Variants in NFAM1 observed in about 807,000 individuals in gnomAD.
The protein encoded by NFAM1 is NFAT activating protein with ITAM motif 1.
In NFAM1, 17 loss-of-function variants were observed where a neutral mutation model predicts 29.0. The ratio of observed to expected loss-of-function variants is 0.59; its 90% CI spans 0.40 to 0.88. NFAM1 has a LOEUF of 0.88. Among genes scored for constraint, NFAM1 ranks in the 40% least tolerant of loss-of-function variants. NFAM1 has a pLI of 0.00. For missense variants in NFAM1, 324 were observed against 344.6 expected (o/e 0.94, Z 0.47); for synonymous variants, 175 against 147.2 (o/e 1.19, Z -1.36).
intron 4 of NFAM1, 43 bp downstream of exon 4, chr22:42,397,815 A>C (rs766036765): frequency 3.7e-6 from 4 of 1,074,536 alleles, no homozygotes; most frequent in South Asian, 1.2e-5. Flanking sequence ...ACTCTGCCTA[A>C]GGCCTGAAAG....
chr22:42,433,651 C>T (rs183809714), upstream of NFAM1, among the ~76,000 whole-genome samples: 3 of 152,288 alleles, frequency 2.0e-5, no homozygotes, highest in South Asian at 2.1e-4. Flanking sequence ...ACCAATGCCA[C>T]GAGCACTGGG....
In NFAM1 at chr22:42,419,299, C is replaced by G. The variant is rs192641805; in HGVS notation, c.122-7563G>C. 1.3e-5 allele frequency among the ~76,000 whole-genome samples: 2 copies of G among 152,176 alleles called. No homozygotes were observed. Among genetic ancestry groups the G allele is most frequent in the Non-Finnish European group, 1.5e-5 (1 of 68,038 alleles). ...GTGGCTCTGAGTCCCCAGCGATCCACAAACTCATCCTGCTCCTGCCCTGCC... is the reference window on the plus strand; with the variant it reads ...GTGGCTCTGAGTCCCCAGCGATCCAGAAACTCATCCTGCTCCTGCCCTGCC... On this transcript the variant is annotated intron_variant, in intron 1 of 5. Coordinates refer to ENST00000329021, the MANE Select transcript of NFAM1 (RefSeq NM_145912.8). This position sits in a 1 kb window ranked among gnomAD's most constrained non-coding sequence, Gnocchi z 4.5.
chr22:42,395,172 T>C (rs1929476610), intron 4 of NFAM1, among the ~76,000 whole-genome samples: 1 of 135,366 alleles, frequency 7.4e-6, no homozygotes, highest in Non-Finnish European at 1.5e-5. Flanking sequence ...AGACCCTGTC[T>C]CAAAAAAAAA....
intron 1 of NFAM1, among the ~76,000 whole-genome samples, chr22:42,412,658 G>C (rs905159766): frequency 2.0e-5 from 3 of 152,224 alleles, no homozygotes; most frequent in African/African-American, 7.2e-5. Flanking sequence ...TTTCCTGGCG[G>C]TAGACAGAGA....
In NFAM1 at chr22:42,389,303, C is replaced by T. The variant is rs538559844; in HGVS notation, c.664-2225G>A. 6.6e-5 allele frequency among the ~76,000 whole-genome samples: 10 copies of T among 152,180 alleles called. No homozygotes were observed. In the South Asian group the frequency reaches 1.2e-3, roughly 19 times the overall value. ...TACAGTGGGGGAGTCGGGGAATAGG[C>T]GAGTGGGCGGTGGTGCAGTGGGCAG... On this transcript the variant is annotated intron_variant, in intron 4 of 5. Transcript: ENST00000329021.
chr22:42,402,593 C>A (rs145157080), intron 3 of NFAM1, among the ~76,000 whole-genome samples: 1 of 152,092 alleles, frequency 6.6e-6, no homozygotes, highest in African/African-American at 2.4e-5. Context: ...TACCAAGAGG[C>A]GGAGTGTGCT....
intron 5 of NFAM1, among the ~76,000 whole-genome samples, chr22:42,385,892 C>T (rs1312034625): frequency 6.6e-6 from 1 of 152,144 alleles, no homozygotes; most frequent in Non-Finnish European, 1.5e-5. Context: ...GCCAGGCGCC[C>T]GCACTCCCTG....
chr22:42,387,164 C>T (rs1929178245), intron 4 of NFAM1, 86 bp from the exon 5 acceptor site: 5 of 749,350 alleles, frequency 6.7e-6, no homozygotes, highest in African/African-American at 1.9e-5. Context: ...GCCTGTTACA[C>T]ACCCCACCGT....
chr22:42,427,918 AG>A (rs1930674935), intron 1 of NFAM1, among the ~76,000 whole-genome samples: 2 of 152,076 alleles, frequency 1.3e-5, no homozygotes. Flanking sequence ...CTGTGGGGCG[AG>A]GGGAGTAGAA....
intron 1 of NFAM1, among the ~76,000 whole-genome samples, chr22:42,415,369 A>G (rs1930226172): frequency 7.2e-6 from 1 of 138,674 alleles, no homozygotes; most frequent in Admixed American, 8.2e-5. Context: ...GCGCGATCTC[A>G]GCTCACTGCA....
chr22:42,396,085 C>A (rs1929516173), intron 4 of NFAM1, among the ~76,000 whole-genome samples: 1 of 152,064 alleles, frequency 6.6e-6, no homozygotes, highest in Non-Finnish European at 1.5e-5. Context: ...CCGCCCAGGC[C>A]CAATCCCAGT....
chr22:42,386,384 CAA>C (rs1267002287), intron 5 of NFAM1, among the ~76,000 whole-genome samples: 17 of 124,122 alleles, frequency 1.4e-4, no homozygotes, highest in Non-Finnish European at 2.3e-4. Flanking sequence ...AAAACAAAAA[CAA>C]AAACAAACAA....
chr22:42,394,056 A>G (rs1344079970), intron 4 of NFAM1, among the ~76,000 whole-genome samples: 1 of 151,944 alleles, frequency 6.6e-6, no homozygotes, highest in Non-Finnish European at 1.5e-5. Context: ...TATTTTTGAG[A>G]CGGAGTTTCG....
intron 3 of NFAM1, among the ~76,000 whole-genome samples, chr22:42,399,446 CAA>C (rs71311432): frequency 1.3e-4 from 9 of 66,900 alleles, no homozygotes; most frequent in Non-Finnish European, 1.9e-4. Context: ...GATCCCATCT[CAA>C]AAAAAAAAAA....
intron 4 of NFAM1, among the ~76,000 whole-genome samples, chr22:42,389,789 T>A (rs1436752702): frequency 6.6e-6 from 1 of 152,102 alleles, no homozygotes; most frequent in African/African-American, 2.4e-5. Context: ...CTGACCCCAG[T>A]GATCATCCAA....
rs1224167805 is a variant in NFAM1, at chr22:42,410,770, T to A, written c.451+637A>T. Among the ~76,000 whole-genome samples, 8 of 151,938 alleles carry A rather than the reference T, an allele frequency of 5.3e-5. No individual in the cohort carries two copies. In the East Asian group the frequency reaches 1.5e-3, roughly 29 times the overall value. On this transcript the variant is annotated intron_variant, in intron 2 of 5. Coordinates refer to ENST00000329021, the MANE Select transcript of NFAM1 (RefSeq NM_145912.8). Reference sequence around the variant, plus strand: ...CACGAGGCCCCCACAAATACATACATGCACATACCTAGTTCTGCAGAAGTT... The same window carrying A: ...CACGAGGCCCCCACAAATACATACAAGCACATACCTAGTTCTGCAGAAGTT...
At chr22:42,423,813 C>T (rs1445242735) in intron 1 of NFAM1, among the ~76,000 whole-genome samples, 2 of 151,950 alleles carry the variant, frequency 1.3e-5, no homozygotes, top group Non-Finnish European at 1.5e-5. Context: ...CTCTGCCTCC[C>T]AGGTTCAAGA....
In NFAM1 at chr22:42,380,715, A is replaced by C. The variant is rs907133764; in HGVS notation, c.*4446T>G. Reference sequence around the variant, plus strand: ...AGCTGTCTGCCAAGAAAACTATTGAACTACATAAAAATCCATCCCTGAAAT... The same window carrying C: ...AGCTGTCTGCCAAGAAAACTATTGACCTACATAAAAATCCATCCCTGAAAT... On this transcript the variant is annotated 3_prime_UTR_variant, in exon 6 of 6. Coordinates refer to ENST00000329021, the MANE Select transcript of NFAM1 (RefSeq NM_145912.8). The C allele has an allele frequency of 2.0e-5, 3 of 152,628 alleles. No homozygotes were observed. Among genetic ancestry groups the C allele is most frequent in the Non-Finnish European group, 4.4e-5 (3 of 68,038 alleles). 9.5% of individuals were successfully genotyped at this position (152,628 alleles called of 1,614,324 possible). A position where few individuals can be genotyped will look rare whatever the true frequency, so the allele number is the denominator to read the frequency against.
At chr22:42,394,313 C>T (rs1220867301) in intron 4 of NFAM1, among the ~76,000 whole-genome samples, 1 of 152,158 alleles carries the variant, frequency 6.6e-6, no homozygotes, top group African/African-American at 2.4e-5. Flanking sequence ...GCTGGGATTA[C>T]AGGGGTAAGC....
Sources: allele counts gnomAD v4.1 joint callset (sites outside exome capture counted in the v4.1 genomes callset), GRCh38; gene constraint gnomAD v4.1.1; non-coding constraint Gnocchi (gnomAD v3.1); transcripts MANE v1.5; gene names NCBI Gene and HGNC (gene_info 2026-07-23, HGNC 2026-07-21).